The following MAEL variants were observed in gnomAD, a reference collection of about 807,000 sequenced individuals.
MAEL encodes protein maelstrom homolog.
In MAEL, 46 loss-of-function variants were observed where a neutral mutation model predicts 62.0. The observed-to-expected ratio is 0.74, with a 90% CI of 0.59 to 0.95. The LOEUF (loss-of-function observed/expected upper bound fraction) is 0.95, where lower values mean the gene tolerates loss of function less well. Among genes scored for constraint, MAEL ranks in the 40% least tolerant of loss-of-function variants. MAEL has a pLI of 0.00. For synonymous variants in MAEL, 172 were observed against 175.5 expected (o/e 0.98, Z 0.16); for missense variants, 497 against 526.8 (o/e 0.94, Z 0.55).
At chr1:166,994,974 A>ATTTTT (rs944951589) in intron 5 of MAEL, among the ~76,000 whole-genome samples, 28 of 110,146 alleles carry the variant, frequency 2.5e-4, no homozygotes, top group African/African-American at 3.1e-4. Context: ...CCACCCAGTA[A>ATTTTT]TTTTTTTTTT....
intron 2 of MAEL, chr1:166,990,053 G>T: frequency 4.0e-6 from 2 of 502,014 alleles, no homozygotes; most frequent in Non-Finnish European, 7.1e-6. Context: ...ATGGTGAAAG[G>T]CCTGGGGAAT....
chr1:166,994,484 T>C (rs1335483046), intron 5 of MAEL, among the ~76,000 whole-genome samples: 1 of 152,136 alleles, frequency 6.6e-6, no homozygotes, highest in African/African-American at 2.4e-5. Context: ...TTTCTAAGTA[T>C]TTTGCAACCA....
chr1:167,011,125 G>C (rs1428591920), intron 8 of MAEL, among the ~76,000 whole-genome samples: 2 of 152,026 alleles, frequency 1.3e-5, no homozygotes, highest in Non-Finnish European at 2.9e-5. Context: ...TAAAGAATGG[G>C]CTTCCTCATT....
rs866799163 is a variant in MAEL at position 167,005,334 on chromosome 1, CCTCT to C, written c.783_786del (p.Ser262ArgfsTer8). ...TACCAACAAAAATTTCTCAAGGAGC[CCTCT>C]AAGACTTGGATTCGAAGCCTCCTAG... On this transcript the variant is annotated frameshift_variant, in exon 8 of 12. Coordinates refer to ENST00000367872, the MANE Select transcript of MAEL (RefSeq NM_032858.3). LOFTEE classifies it high-confidence loss of function. The C allele has an allele frequency of 1.5e-5, 25 of 1,613,590 alleles. No individual in the cohort carries two copies. In the East Asian group the frequency reaches 5.6e-4, roughly 36 times the overall value.
At chr1:166,999,668 AC>A in intron 5 of MAEL, among the ~76,000 whole-genome samples, 1 of 152,228 alleles carries the variant, frequency 6.6e-6, no homozygotes, top group East Asian at 1.9e-4. Flanking sequence ...CGAAAATGAA[AC>A]CACCTTCTGT....
intron 3 of MAEL, 126 bp downstream of exon 3, chr1:166,991,603 T>C (rs1664177205): frequency 1.6e-6 from 1 of 620,446 alleles, no homozygotes; most frequent in African/African-American, 1.8e-5. Context: ...AAGTGTTAAA[T>C]ATTGTGGTAC....
chr1:167,017,346 A>G (rs1196412746), intron 9 of MAEL, among the ~76,000 whole-genome samples: 5 of 152,180 alleles, frequency 3.3e-5, no homozygotes, highest in Admixed American at 6.5e-5. Context: ...CACCTCTCCT[A>G]GCAATATGGG....
Position 166,989,469 on chromosome 1 carries a change from C to G in MAEL, c.117C>G (p.Cys39Trp), listed in dbSNP as rs1168905023. 6.3e-7 allele frequency: 1 copy of G among 1,586,538 alleles called. No individual in the cohort carries two copies. The highest frequency in any genetic ancestry group is 1.1e-5 in the South Asian group (1 of 86,972). Residue 39 changes from cysteine (C) to tryptophan (W), a missense_variant, in exon 1 of 12, where the codon TGC (cysteine) becomes TGG (tryptophan). Physicochemically the swap from Cys to Trp is radical, Grantham distance 215. Coordinates refer to ENST00000367872, the MANE Select transcript of MAEL (RefSeq NM_032858.3). Reference sequence around the variant, plus strand: ...GCGTTGCTGATGCCATCCCTTACTGCTCCTCAGACTGGGCGGTAAGGCTGG... The same window carrying G: ...GCGTTGCTGATGCCATCCCTTACTGGTCCTCAGACTGGGCGGTAAGGCTGG... ...VARVADAIPY[C>W]SSDWALLREE...
chr1:166,975,930 G>A (rs1361096874), intron 1 of MAEL, among the ~76,000 whole-genome samples: 1 of 152,068 alleles, frequency 6.6e-6, no homozygotes, highest in African/African-American at 2.4e-5. Flanking sequence ...CGGGGACTTG[G>A]CGTAACTTCT....
intron 5 of MAEL, among the ~76,000 whole-genome samples, 159 bp from the exon 6 acceptor site, chr1:167,004,021 G>A (rs750267091): frequency 6.6e-6 from 1 of 152,220 alleles, no homozygotes; most frequent in East Asian, 1.9e-4. Context: ...CTGTAAGACT[G>A]TGGGTTAAAA....
At chr1:166,986,691 A>G (rs1424474539), upstream of MAEL, among the ~76,000 whole-genome samples, 1 of 152,220 alleles carries the variant, frequency 6.6e-6, no homozygotes, top group Non-Finnish European at 1.5e-5. Context: ...GAAACATAAT[A>G]AACAGGCAAG....
intron 5 of MAEL, among the ~76,000 whole-genome samples, chr1:166,998,115 C>T (rs1286331708): frequency 6.6e-6 from 1 of 152,130 alleles, no homozygotes; most frequent in African/African-American, 2.4e-5. Flanking sequence ...AGCCCCCGAC[C>T]TCATTCTTTT....
intron 8 of MAEL, among the ~76,000 whole-genome samples, chr1:167,012,099 G>A (rs1235532044): frequency 6.6e-6 from 1 of 152,162 alleles, no homozygotes; most frequent in Non-Finnish European, 1.5e-5. Flanking sequence ...TTACAAGGGA[G>A]TTTGGATTGT....
chr1:167,011,092 C>T (rs1571271601), intron 8 of MAEL, among the ~76,000 whole-genome samples: 1 of 151,944 alleles, frequency 6.6e-6, no homozygotes, highest in African/African-American at 2.4e-5. Context: ...CTCTGATCTA[C>T]TAGGACTGTT....
intron 1 of MAEL, among the ~76,000 whole-genome samples, chr1:166,981,821 C>T (rs746891278): frequency 2.0e-5 from 3 of 152,140 alleles, no homozygotes; most frequent in African/African-American, 4.8e-5. Context: ...GAGGTTGAAC[C>T]AAGGGAAACC....
chr1:167,005,471 T>C (rs1664853393), intron 8 of MAEL, 74 bp downstream of exon 8: 5 of 1,412,704 alleles, frequency 3.5e-6, no homozygotes, highest in Middle Eastern at 2.3e-4. Flanking sequence ...AGGACTATTT[T>C]TGCCTTTTTA....
intron 1 of MAEL, among the ~76,000 whole-genome samples, chr1:166,979,563 C>CCAAAA (rs777796484): frequency 1.1e-4 from 16 of 152,084 alleles, no homozygotes; most frequent in African/African-American, 2.2e-4. Context: ...ATGCATTATG[C>CCAAAA]CAAAACAAAA....
intron 1 of MAEL, among the ~76,000 whole-genome samples, chr1:166,977,840 A>T (rs1221075511): frequency 6.6e-6 from 1 of 152,052 alleles, no homozygotes; most frequent in African/African-American, 2.4e-5. Context: ...AGTCCCAGCT[A>T]CTCTGGAGGC....
intron 5 of MAEL, among the ~76,000 whole-genome samples, chr1:167,000,745 G>A (rs992621193): frequency 6.6e-6 from 1 of 152,176 alleles, no homozygotes. Context: ...CAGCAACCAT[G>A]ACCCTGATAG....
Sources: allele counts gnomAD v4.1 joint callset (sites outside exome capture counted in the v4.1 genomes callset), GRCh38; gene constraint gnomAD v4.1.1; transcripts MANE v1.5; gene names NCBI Gene and HGNC (gene_info 2026-07-23, HGNC 2026-07-21).